MTHFD1: variants seen among roughly 807,000 people sequenced by gnomAD.
MTHFD1 encodes the protein methylenetetrahydrofolate dehydrogenase, cyclohydrolase and formyltetrahydrofolate synthetase 1, also known as C-1-tetrahydrofolate synthase, cytoplasmic.
MTHFD1 carries 44 observed loss-of-function variants against 110.3 expected under a neutral mutation model. The observed-to-expected ratio is 0.40, with a 90% CI of 0.31 to 0.51. The LOEUF is 0.51. MTHFD1 is among the 20% of genes least tolerant of loss of function. MTHFD1 has a pLI of 0.60. For synonymous variants in MTHFD1, 402 were observed against 428.8 expected (o/e 0.94, Z 0.77); for missense variants, 909 against 1,173.1 (o/e 0.77, Z 3.29).
intron 2 of MTHFD1, among the ~76,000 whole-genome samples, chr14:64,403,135 G>A (rs1358163866): frequency 6.6e-6 from 1 of 150,712 alleles, no homozygotes; most frequent in Non-Finnish European, 1.5e-5. Context: ...TTTTTTTTGA[G>A]ACGGAGTCTT....
chr14:64,416,434 C>G (rs986352132), intron 6 of MTHFD1, among the ~76,000 whole-genome samples: 7 of 152,062 alleles, frequency 4.6e-5, no homozygotes, highest in South Asian at 2.1e-4. Flanking sequence ...CACCTCCCCC[C>G]ACCCCCAAAA....
At chr14:64,459,600 G>A (rs2078529786) in intron 27 of MTHFD1, among the ~76,000 whole-genome samples, 159 bp from the exon 28 acceptor site, 1 of 152,196 alleles carries the variant, frequency 6.6e-6, no homozygotes, top group South Asian at 2.1e-4. Flanking sequence ...TCATTTTCAA[G>A]TCCATTTATG....
At chr14:64,410,232 TAA>T (rs923242118) in intron 2 of MTHFD1, among the ~76,000 whole-genome samples, 6 of 152,084 alleles carry the variant, frequency 3.9e-5, no homozygotes, top group African/African-American at 1.4e-4. Context: ...CTTTTTTTTT[TAA>T]GAGACAAGGT....
intron 1 of MTHFD1, among the ~76,000 whole-genome samples, chr14:64,396,593 C>T (rs2077851627): frequency 2.9e-5 from 4 of 139,880 alleles, no homozygotes; most frequent in South Asian, 4.7e-4. Flanking sequence ...TTAGTAGAGA[C>T]GGGGTTTCAC....
At position 64,427,558 on chromosome 14, in the gene MTHFD1, A is replaced by C. The variant is rs1281601463; in HGVS notation, c.1264+85A>C. 5 of 1,350,396 alleles carry C rather than the reference A, an allele frequency of 3.7e-6. No homozygotes were observed. In the East Asian group the frequency reaches 1.1e-4, roughly 31 times the overall value. 83.7% of individuals were successfully genotyped at this position (1,350,396 alleles called of 1,614,324 possible). ...CAGGCCCACGCAACCTATGATACTT[A>C]TGGGGTCTTCAACTCATTTCAACAC... On this transcript the variant is annotated intron_variant, in intron 12 of 27. Coordinates refer to ENST00000652337, the MANE Select transcript of MTHFD1 (RefSeq NM_005956.4).
chr14:64,441,152 A>G, intron 18 of MTHFD1: 1 of 486,494 alleles, frequency 2.1e-6, no homozygotes, highest in East Asian at 4.3e-5. Context: ...AGATTGCACC[A>G]CTGCACTCCA....
At chr14:64,412,964 T>A (rs1447454900) in intron 4 of MTHFD1, among the ~76,000 whole-genome samples, 5 of 150,856 alleles carry the variant, frequency 3.3e-5, no homozygotes, top group Non-Finnish European at 7.4e-5. Flanking sequence ...CTTCACAGAC[T>A]CCCACAGAGG....
At chr14:64,427,960 A>G (rs141641218) in intron 12 of MTHFD1, among the ~76,000 whole-genome samples, 250 of 152,248 alleles carry the variant, frequency 1.6e-3, no homozygotes, top group African/African-American at 5.6e-3. Flanking sequence ...AATAGCAGCA[A>G]CTGGGACTTC....
At chr14:64,397,385 C>G (rs1234920626) in intron 1 of MTHFD1, among the ~76,000 whole-genome samples, 2 of 150,844 alleles carry the variant, frequency 1.3e-5, no homozygotes, top group Admixed American at 6.6e-5. Context: ...CTCTGCCTCC[C>G]GGGTTCAAGC....
intron 2 of MTHFD1, among the ~76,000 whole-genome samples, chr14:64,408,307 A>C (rs1003478726): frequency 1.7e-5 from 1 of 57,280 alleles, no homozygotes; most frequent in African/African-American, 5.2e-5. Flanking sequence ...TTTTTTTTTG[A>C]GATGGAGTTT....
At chr14:64,446,733 G>A (rs897574197) in intron 22 of MTHFD1, among the ~76,000 whole-genome samples, 6 of 152,090 alleles carry the variant, frequency 3.9e-5, no homozygotes, top group African/African-American at 9.7e-5. Flanking sequence ...TAGTTGAGAC[G>A]GGGTTTCACC....
chr14:64,446,895 C>A (rs1282301608), intron 22 of MTHFD1, among the ~76,000 whole-genome samples: 7 of 151,950 alleles, frequency 4.6e-5, no homozygotes, highest in Non-Finnish European at 8.8e-5. Context: ...CTAGGCTGGA[C>A]TGCAGAGGCG....
chr14:64,446,060 T>C (rs2078287171), intron 22 of MTHFD1, among the ~76,000 whole-genome samples: 1 of 152,196 alleles, frequency 6.6e-6, no homozygotes, highest in African/African-American at 2.4e-5. Flanking sequence ...TGATTCAGTA[T>C]ATGTATTTTT....
At chr14:64,396,819 T>C (rs1305890705) in intron 1 of MTHFD1, among the ~76,000 whole-genome samples, 1 of 151,020 alleles carries the variant, frequency 6.6e-6, no homozygotes, top group East Asian at 2.0e-4. Context: ...AAAAATCTTA[T>C]AATAGCTGGG....
intron 26 of MTHFD1, among the ~76,000 whole-genome samples, chr14:64,457,550 G>C (rs2078495421): frequency 6.6e-6 from 1 of 151,678 alleles, no homozygotes; most frequent in Non-Finnish European, 1.5e-5. Flanking sequence ...CCGCCTCCCA[G>C]GTTCAAGCGA....
intron 4 of MTHFD1, 74 bp downstream of exon 4, chr14:64,412,599 T>C (rs1334540108): frequency 2.6e-6 from 3 of 1,134,580 alleles, no homozygotes; most frequent in African/African-American, 1.5e-5. Context: ...TACGGGGGCT[T>C]TGGGGACTGA....
chr14:64,459,669 TG>T (rs2078530690), intron 27 of MTHFD1, 89 bp from the exon 28 acceptor site: 1 of 1,112,594 alleles, frequency 9.0e-7, no homozygotes, highest in Non-Finnish European at 1.3e-6. Flanking sequence ...GCTTTGGCAA[TG>T]TGAGTGGGTA....
At chr14:64,438,170 G>A (rs931393445) in intron 16 of MTHFD1, among the ~76,000 whole-genome samples, 1 of 152,124 alleles carries the variant, frequency 6.6e-6, no homozygotes, top group African/African-American at 2.4e-5. Flanking sequence ...CACTGTGCCC[G>A]GCCTGTTCAA....
intron 12 of MTHFD1, 87 bp from the exon 13 acceptor site, chr14:64,430,097 T>A: frequency 8.9e-7 from 1 of 1,129,504 alleles, no homozygotes; most frequent in Non-Finnish European, 1.4e-6. Context: ...TGCTTAGTAG[T>A]TACAATAATG....
Sources: gnomAD v4.1 joint callset for allele counts (sites outside exome capture counted in the v4.1 genomes callset) on GRCh38, gnomAD v4.1.1 for gene constraint, MANE v1.5 for transcripts, NCBI Gene and HGNC (gene_info 2026-07-23, HGNC 2026-07-21) for gene names.